Variants in CACNA1A observed in about 807,000 individuals in gnomAD.
CACNA1A encodes calcium voltage-gated channel subunit alpha1 A, also known as voltage-dependent P/Q-type calcium channel subunit alpha-1A.
In CACNA1A, 57 loss-of-function variants were observed where a neutral mutation model predicts 262.4. The ratio of observed to expected loss-of-function variants is 0.22; its 90% CI spans 0.18 to 0.27. The LOEUF (loss-of-function observed/expected upper bound fraction) is 0.27, where lower values mean the gene tolerates loss of function less well. CACNA1A is among the 10% of genes least tolerant of loss of function. The pLI, the probability that CACNA1A is intolerant of heterozygous loss-of-function variation, is 1.00. For missense variants in CACNA1A, 2,526 were observed against 3,562.8 expected (o/e 0.71, Z 7.41); for synonymous variants, 1,431 against 1,419.3 (o/e 1.01, Z -0.18).
At chr19:13,340,628 T>C (rs2058662308) in intron 6 of CACNA1A, among the ~76,000 whole-genome samples, 1 of 151,960 alleles carries the variant, frequency 6.6e-6, no homozygotes, top group South Asian at 2.1e-4. Context: ...GGTTTGACCA[T>C]GTTGGCCAGG....
Position 13,442,051 on chromosome 19 carries a change from C to T in CACNA1A, c.539+10825G>A, listed in dbSNP as rs575800883. ...GGGAAGAGAACATTTTAGCACAATA[C>T]GGTGTGCTGGGAGCTGTCCAGGGTG... On this transcript the variant is annotated intron_variant, in intron 3 of 46. Transcript: ENST00000360228. Among the ~76,000 whole-genome samples, 5 of 152,242 alleles carry T rather than the reference C, an allele frequency of 3.3e-5. No individual in the cohort carries two copies. In the South Asian group the frequency reaches 1.0e-3, roughly 32 times the overall value.
Position 13,207,858 on chromosome 19 carries a change from CCTGCTGCTGCTGCTGCTGCTGCTG to C in CACNA1A, c.6952_6975del (p.Gln2318_Gln2325del), listed in dbSNP as rs16054. On this transcript the variant is annotated inframe_deletion, in exon 47 of 47. Transcript: ENST00000360228. This position sits in a 1 kb window ranked among gnomAD's most constrained non-coding sequence, Gnocchi z 5.7. ...GCCGCCCGGCCCGGCCTGGCCACCG[CCTGCTGCTGCTGCTGCTGCTGCTG>C]CTGCTGCTGCTGCTGCGGGGGCCCC... 4.3e-5 allele frequency: 62 copies of C among 1,431,820 alleles called. No individual in the cohort carries two copies. The highest frequency in any genetic ancestry group is 1.8e-4 in the Admixed American group (7 of 39,064). 88.7% of individuals were successfully genotyped at this position (1,431,820 alleles called of 1,614,324 possible). A position where few individuals can be genotyped will look rare whatever the true frequency, so the allele number is the denominator to read the frequency against.
chr19:13,372,262 G>A (rs1232505368), intron 3 of CACNA1A, among the ~76,000 whole-genome samples: 1 of 151,932 alleles, frequency 6.6e-6, no homozygotes, highest in East Asian at 1.9e-4. Flanking sequence ...TCTGCCTCCC[G>A]GGTTCAAGGG....
chr19:13,255,720 C>T (rs1416259191), intron 28 of CACNA1A, among the ~76,000 whole-genome samples: 2 of 118,538 alleles, frequency 1.7e-5, no homozygotes, highest in Non-Finnish European at 3.6e-5. Context: ...TCCCTCCCTC[C>T]TTCTCTCCCT....
chr19:13,400,647 C>T (rs1324700783), intron 3 of CACNA1A, among the ~76,000 whole-genome samples: 1 of 152,174 alleles, frequency 6.6e-6, no homozygotes, highest in Non-Finnish European at 1.5e-5. Context: ...GGTGATTTCA[C>T]CTCCCAGGGG....
chr19:13,268,573 C>T (rs2056926744), intron 24 of CACNA1A, among the ~76,000 whole-genome samples: 1 of 151,842 alleles, frequency 6.6e-6, no homozygotes, highest in Non-Finnish European at 1.5e-5. Context: ...GCTGGGACTA[C>T]AGGCGCCCAC....
Position 13,257,330 on chromosome 19 carries a change from G to A in CACNA1A, c.4590+20C>T, listed in dbSNP as rs1191744701. On this transcript the variant is annotated intron_variant, in intron 28 of 46. Transcript: ENST00000360228. ...GTGTGTCCCCAGTTTTTAAAGGACA[G>A]ATGGAATTGGAAGTGGCACCTCATT... The A allele has an allele frequency of 6.2e-7, 1 of 1,602,632 alleles. No homozygotes were observed. Among genetic ancestry groups the A allele is most frequent in the Admixed American group, 1.7e-5 (1 of 59,942 alleles).
chr19:13,464,839 C>T (rs1160417783), intron 1 of CACNA1A, among the ~76,000 whole-genome samples: 11 of 152,078 alleles, frequency 7.2e-5, no homozygotes, highest in South Asian at 2.1e-4. Flanking sequence ...TGAGCCACTG[C>T]GCCCGGCCAA....
chr19:13,455,026 C>T, intron 2 of CACNA1A, 81 bp downstream of exon 2: 1 of 774,884 alleles, frequency 1.3e-6, no homozygotes, highest in Non-Finnish European at 2.2e-6. Flanking sequence ...TGAGAGCCTC[C>T]TCTGTGCCCT....
At chr19:13,327,046 G>A (rs1421886488) in intron 10 of CACNA1A, among the ~76,000 whole-genome samples, 1 of 151,736 alleles carries the variant, frequency 6.6e-6, no homozygotes, top group African/African-American at 2.4e-5. Context: ...GTGCCACAAT[G>A]CCCAGCTAAT....
In CACNA1A at chr19:13,300,252, A is replaced by G. The variant is rs73511485; in HGVS notation, c.2279+298T>C. Among the ~76,000 whole-genome samples, 119 of 152,218 alleles carry G rather than the reference A, an allele frequency of 7.8e-4. 1 individual carries two copies. Among genetic ancestry groups the G allele is most frequent in the African/African-American group, 2.8e-3 (118 of 41,522 alleles). On this transcript the variant is annotated intron_variant, in intron 18 of 46. Transcript: ENST00000360228. ...GTTCCATCGCCTTCTAACACAATAT[A>G]TAATTTACTTATTTATCTAATTTAT...
Position 13,470,834 on chromosome 19 carries a change from G to C in CACNA1A, c.294-15622C>G, listed in dbSNP as rs955880043. Among the ~76,000 whole-genome samples the C allele has an allele frequency of 2.6e-5, 4 of 152,320 alleles. No individual in the cohort carries two copies. In the East Asian group the frequency reaches 5.8e-4, roughly 22 times the overall value. On this transcript the variant is annotated intron_variant, in intron 1 of 46. Coordinates refer to ENST00000360228, the MANE Select transcript of CACNA1A (RefSeq NM_001127222.2). Reference sequence around the variant, plus strand: ...CTCCCTGCTACAGTGTGTGGTCTTAGCAATAGCTATACCACTCTGTGTCTT... The same window carrying C: ...CTCCCTGCTACAGTGTGTGGTCTTACCAATAGCTATACCACTCTGTGTCTT...
At chr19:13,371,954 C>T (rs1004436311) in intron 3 of CACNA1A, among the ~76,000 whole-genome samples, 175 bp from the exon 4 acceptor site, 3 of 152,094 alleles carry the variant, frequency 2.0e-5, no homozygotes, top group Non-Finnish European at 4.4e-5. Context: ...CAGTACCTGC[C>T]TCACGGGATA....
chr19:13,313,051 G>A (rs537900893), intron 11 of CACNA1A, among the ~76,000 whole-genome samples: 1 of 151,828 alleles, frequency 6.6e-6, no homozygotes, highest in African/African-American at 2.4e-5. Context: ...GTGGAGATGG[G>A]GGTCTCACTA....
At chr19:13,309,529 CA>C (rs373852970) in intron 12 of CACNA1A, among the ~76,000 whole-genome samples, 11,436 of 119,724 alleles carry the variant, frequency 0.096, 536 homozygotes, top group Middle Eastern at 0.19. Flanking sequence ...CCTGACTTTA[CA>C]AAAAAAAAAA....
chr19:13,412,907 T>A (rs1057192094), intron 3 of CACNA1A, among the ~76,000 whole-genome samples: 4 of 152,154 alleles, frequency 2.6e-5, no homozygotes, highest in African/African-American at 9.7e-5. Flanking sequence ...GTGGGACATG[T>A]TATGGTGTGA....
chr19:13,490,857 G>A (rs968637451), intron 1 of CACNA1A, among the ~76,000 whole-genome samples: 14 of 139,704 alleles, frequency 1.0e-4, no homozygotes, highest in Admixed American at 6.6e-4. Flanking sequence ...AGGAGGGAAA[G>A]AGAAAGGAAA....
intron 1 of CACNA1A, among the ~76,000 whole-genome samples, chr19:13,461,822 G>A (rs1568669062): frequency 1.3e-5 from 2 of 152,206 alleles, no homozygotes; most frequent in Non-Finnish European, 2.9e-5. Context: ...CCAAAGCGGG[G>A]CGGGGGCTGA....
At chr19:13,355,754 C>A (rs369400668) in intron 6 of CACNA1A, among the ~76,000 whole-genome samples, 2 of 152,128 alleles carry the variant, frequency 1.3e-5, no homozygotes, top group Admixed American at 6.6e-5. Flanking sequence ...GTCTTCTGAC[C>A]CAGGGTTTCC....
Sources: allele counts gnomAD v4.1 joint callset (sites outside exome capture counted in the v4.1 genomes callset), GRCh38; gene constraint gnomAD v4.1.1; non-coding constraint Gnocchi (gnomAD v3.1); transcripts MANE v1.5; gene names NCBI Gene and HGNC (gene_info 2026-07-23, HGNC 2026-07-21).